FHIT: variants seen among roughly 807,000 people sequenced by gnomAD.
FHIT encodes the protein bis(5'-adenosyl)-triphosphatase.
In FHIT, 19 loss-of-function variants were observed where a neutral mutation model predicts 17.9. That is an observed-to-expected ratio of 1.06 (90% CI 0.74 to 1.56). FHIT has a LOEUF of 1.56. Among genes scored for constraint, FHIT ranks in the 40% most tolerant of loss-of-function variants. FHIT has a pLI of 0.00. For missense variants in FHIT, 248 were observed against 189.2 expected, an observed-to-expected ratio of 1.31 and a Z score of -1.82; for synonymous variants, 81 against 69.7, an observed-to-expected ratio of 1.16 and a Z score of -0.81.
At chr3:59,844,078 A>G (rs1436227902) in intron 8 of FHIT, among the ~76,000 whole-genome samples, 1 of 152,140 alleles carries the variant, frequency 6.6e-6, no homozygotes, top group Non-Finnish European at 1.5e-5. Flanking sequence ...ACTGTCTGCC[A>G]TGAGTAAAAG....
At chr3:60,253,319 T>C (rs1447907762) in intron 5 of FHIT, among the ~76,000 whole-genome samples, 2 of 152,180 alleles carry the variant, frequency 1.3e-5, no homozygotes, top group South Asian at 2.1e-4. Flanking sequence ...AGAAAATATA[T>C]GGATGGAAAG....
At chr3:61,115,444 C>T (rs2036274348) in intron 2 of FHIT, among the ~76,000 whole-genome samples, 1 of 151,942 alleles carries the variant, frequency 6.6e-6, no homozygotes, top group Non-Finnish European at 1.5e-5. Flanking sequence ...TAGAGCCCAA[C>T]TGTCCAGTGG....
chr3:60,300,930 T>A (rs74738297), intron 5 of FHIT, among the ~76,000 whole-genome samples: 2,934 of 152,048 alleles, frequency 0.019, 82 homozygotes, highest in African/African-American at 0.055. Flanking sequence ...TTACCTGTAC[T>A]GTAATAGTCA....
chr3:60,202,403 G>C (rs976540109), intron 5 of FHIT, among the ~76,000 whole-genome samples: 1 of 152,182 alleles, frequency 6.6e-6, no homozygotes, highest in South Asian at 2.1e-4. Flanking sequence ...TTCTCCTAGA[G>C]AGCTCCTAAG....
At chr3:59,922,453 C>T in intron 7 of FHIT, 39 bp from the exon 8 acceptor site, 2 of 1,542,218 alleles carry the variant, frequency 1.3e-6, no homozygotes, top group Non-Finnish European at 1.8e-6. Flanking sequence ...GTGATTATCT[C>T]CCCATGTATT....
chr3:60,046,802 C>G lies in FHIT; in HGVS notation c.104-32650G>C, dbSNP rs138306991. On this transcript the variant is annotated intron_variant, in intron 5 of 9. Transcript: ENST00000492590. ...GGAGAAATATGTAAAGAACTCAGCC[C>G]AAGCTTTCTGATGCCAGGCAGGGCA... 4.3e-3 allele frequency among the ~76,000 whole-genome samples: 660 copies of G among 152,266 alleles called. 5 individuals are homozygous for G. The highest frequency in any genetic ancestry group is 0.015 in the African/African-American group (629 of 41,544).
At chr3:59,751,992 G>GA in intron 9 of FHIT, 1 of 432,514 alleles carries the variant, frequency 2.3e-6, no homozygotes, top group Non-Finnish European at 4.1e-6. Flanking sequence ...TGGGCTGGGG[G>GA]CACTGGCTTG....
intron 4 of FHIT, among the ~76,000 whole-genome samples, chr3:60,586,898 GCCTAGTA>G (rs2037925203): frequency 6.6e-6 from 1 of 151,946 alleles, no homozygotes; most frequent in Admixed American, 6.6e-5. Flanking sequence ...TAGGTACTAT[GCCTAGTA>G]CCTGGGTGAT....
chr3:59,754,651 A>C (rs1226036094), intron 8 of FHIT, among the ~76,000 whole-genome samples: 6 of 152,190 alleles, frequency 3.9e-5, no homozygotes, highest in African/African-American at 1.2e-4. Context: ...AATCCAAATA[A>C]TTTAGAGCCT....
chr3:60,329,728 C>G (rs564785987), intron 5 of FHIT, among the ~76,000 whole-genome samples: 1 of 152,328 alleles, frequency 6.6e-6, no homozygotes, highest in Non-Finnish European at 1.5e-5. Flanking sequence ...CCAGTCAGCT[C>G]TGGTAGCTTG....
intron 5 of FHIT, chr3:60,080,796 G>A (rs1559614561): frequency 6.6e-6 from 1 of 152,154 alleles, no homozygotes; most frequent in East Asian, 1.9e-4. Context: ...CTTACCAAGG[G>A]TGCAGTTTGT....
intron 5 of FHIT, among the ~76,000 whole-genome samples, chr3:60,318,334 T>C (rs148654434): frequency 1.7e-4 from 26 of 152,282 alleles, no homozygotes; most frequent in African/African-American, 5.1e-4. Context: ...ATTTATCTTA[T>C]TGTGAAAGAA....
intron 5 of FHIT, among the ~76,000 whole-genome samples, chr3:60,197,858 G>T (rs1048931894): frequency 2.0e-5 from 3 of 152,106 alleles, no homozygotes; most frequent in African/African-American, 7.2e-5. Context: ...TAGTTTCAAG[G>T]CTCCCATGAA....
At chr3:59,914,581 T>C (rs1340649661) in intron 8 of FHIT, among the ~76,000 whole-genome samples, 1 of 152,204 alleles carries the variant, frequency 6.6e-6, no homozygotes. Flanking sequence ...TAAAAACATT[T>C]ACAAATGCTT....
chr3:60,335,632 G>T (rs995786155), intron 5 of FHIT, among the ~76,000 whole-genome samples: 4 of 151,172 alleles, frequency 2.6e-5, no homozygotes, highest in African/African-American at 9.9e-5. Context: ...ATCGGGTGCT[G>T]TGTTAGATAT....
At chr3:59,753,078 CA>C (rs991772348) in intron 8 of FHIT, among the ~76,000 whole-genome samples, 33 of 152,044 alleles carry the variant, frequency 2.2e-4, no homozygotes, top group African/African-American at 7.7e-4. Context: ...AGTTTGCCAC[CA>C]ACCCATAATC....
intron 5 of FHIT, among the ~76,000 whole-genome samples, chr3:60,370,069 TG>T (rs1700262889): frequency 6.6e-6 from 1 of 152,258 alleles, no homozygotes; most frequent in Non-Finnish European, 1.5e-5. Flanking sequence ...TCGCTGCCTA[TG>T]TCCGAGAGCT....
intron 5 of FHIT, among the ~76,000 whole-genome samples, chr3:60,391,539 G>C (rs764051678): frequency 6.6e-6 from 1 of 152,138 alleles, no homozygotes; most frequent in Admixed American, 6.5e-5. Flanking sequence ...TCCATGGTAA[G>C]TGCCCTGTAC....
intron 8 of FHIT, among the ~76,000 whole-genome samples, chr3:59,777,443 C>T (rs556515658): frequency 2.2e-3 from 339 of 152,168 alleles, no homozygotes; most frequent in Non-Finnish European, 3.5e-3. Context: ...ATAGCACTAT[C>T]ATCCAGCTGG....
Sources: gnomAD v4.1 joint callset for allele counts (sites outside exome capture counted in the v4.1 genomes callset) on GRCh38, gnomAD v4.1.1 for gene constraint, MANE v1.5 for transcripts, NCBI Gene and HGNC (gene_info 2026-07-23, HGNC 2026-07-21) for gene names.